Variants in CDC42BPB observed in about 807,000 individuals in gnomAD.
CDC42BPB encodes the protein CDC42 binding protein kinase beta.
A neutral mutation model predicts 214.9 loss-of-function variants in CDC42BPB; 37 were observed. The observed-to-expected ratio is 0.17, with a 90% CI of 0.13 to 0.23. The LOEUF (loss-of-function observed/expected upper bound fraction) is 0.23. CDC42BPB is among the 10% of genes least tolerant of loss of function. The pLI is 1.00. For synonymous variants in CDC42BPB, 931 were observed against 884.0 expected, an observed-to-expected ratio of 1.05 and a Z score of -0.94; for missense variants, 1,694 against 2,227.0, an observed-to-expected ratio of 0.76 and a Z score of 4.82.
intron 2 of CDC42BPB, among the ~76,000 whole-genome samples, chr14:103,011,375 CCT>C (rs1253774751): frequency 2.0e-5 from 3 of 152,178 alleles, no homozygotes; most frequent in Admixed American, 2.0e-4. Context: ...GCTATTCGAC[CCT>C]CTCTGTGTTT....
intron 1 of CDC42BPB, among the ~76,000 whole-genome samples, chr14:103,051,154 C>CGGGGGGGGGGGGGGGGGGGGG (rs1179516926): frequency 7.3e-4 from 5 of 6,826 alleles, no homozygotes; most frequent in African/African-American, 1.9e-3. Flanking sequence ...GTATTTGGGG[C>CGGGGGGGGGGGGGGGGGGGGG]GGGGGGGCGG....
In CDC42BPB at chr14:102,986,677, A is replaced by G. The variant is rs1232309863; in HGVS notation, c.597-97T>C. On this transcript the variant is annotated intron_variant, in intron 5 of 36. Transcript: ENST00000361246. Reference sequence around the variant, plus strand: ...GTGGTGATCAGATGAATAAATGCTAATATCCTCTTGTGAACAGCTGTCACC... The same window carrying G: ...GTGGTGATCAGATGAATAAATGCTAGTATCCTCTTGTGAACAGCTGTCACC... 39 of 1,501,614 alleles carry G rather than the reference A, an allele frequency of 2.6e-5. No individual in the cohort carries two copies. In the East Asian group the frequency reaches 5.3e-4, roughly 20 times the overall value. The allele number at this position is 1,501,614 out of a possible 1,614,324, so 93.0% of individuals were successfully genotyped here.
chr14:102,964,259 C>G (rs35128285), intron 19 of CDC42BPB, among the ~76,000 whole-genome samples: 2 of 152,202 alleles, frequency 1.3e-5, no homozygotes, highest in Admixed American at 1.3e-4. Context: ...AAACACGGCT[C>G]GCACCGCACC....
In CDC42BPB at chr14:103,009,485, G is replaced by A. The variant is rs192801950; in HGVS notation, c.268-930C>T. The stretch of plus-strand genomic sequence containing the variant: ...GGAGGGAATCCAAGAAGCAAAGGCC[G>A]CATGGAAAGGACAGGCTCCCTTCAA... On this transcript the variant is annotated intron_variant, in intron 2 of 36. Transcript: ENST00000361246. 6.2e-4 allele frequency among the ~76,000 whole-genome samples: 94 copies of A among 152,312 alleles called. 1 individual carries two copies. The highest frequency in any genetic ancestry group is 1.9e-3 in the African/African-American group (78 of 41,562).
chr14:102,989,383 C>T (rs983678062), intron 5 of CDC42BPB, among the ~76,000 whole-genome samples: 1 of 152,190 alleles, frequency 6.6e-6, no homozygotes, highest in African/African-American at 2.4e-5. Context: ...CTCTCTTGAT[C>T]CAGCAACCCC....
Position 102,975,960 on chromosome 14 carries a change from C to T in CDC42BPB, c.1310G>A (p.Ser437Asn), listed in dbSNP as rs1227731562. Residue 437 changes from serine to asparagine, a missense_variant, in exon 10 of 37, where the codon AGC becomes AAC. Ser to Asn is a conservative substitution (Grantham distance 46). This residue lies in a region of CDC42BPB where 462 missense variants were observed against 513.5 expected (regional missense o/e 0.90). Coordinates refer to ENST00000361246, the MANE Select transcript of CDC42BPB (RefSeq NM_006035.4). ...CCTCTCGTAAGCTTCCATCTGCAGG[C>T]TGTGCTCCAGGTCCCGCTGCACATC... ...DEDVQRDLEH[S>N]LQMEAYERRI... 1 of 1,614,220 alleles carries T rather than the reference C, an allele frequency of 6.2e-7. No individual in the cohort carries two copies. The highest frequency in any genetic ancestry group is 1.7e-5 in the Admixed American group (1 of 60,036).
rs2139474990 is a variant in CDC42BPB, at chr14:102,972,044, G to A, written c.1759C>T (p.Leu587Phe). 1 of 1,614,276 alleles carries A rather than the reference G, an allele frequency of 6.2e-7. No individual in the cohort carries two copies. The highest frequency in any genetic ancestry group is 2.2e-5 in the East Asian group (1 of 44,894). ...GACACCTTCTGCTTCTGGGCACGGA[G>A]CTCTGCCATGCGCTCGTTCAGCTCC... is the stretch of plus-strand genomic sequence containing the variant. Reference protein sequence around the residue: ...FSELNERMAELRAQKQKVSRQ... With the variant: ...FSELNERMAEFRAQKQKVSRQ... The change falls in exon 13 of 37, where the codon CTC becomes TTC. Residue 587 changes from leucine to phenylalanine, a missense_variant. Coordinates refer to ENST00000361246, the MANE Select transcript of CDC42BPB (RefSeq NM_006035.4).
At chr14:103,029,918 C>T (rs994278665) in intron 1 of CDC42BPB, among the ~76,000 whole-genome samples, 13 of 150,350 alleles carry the variant, frequency 8.6e-5, no homozygotes, top group Non-Finnish European at 1.5e-4. Context: ...TGGCCAGACA[C>T]GCATGTGAGC....
Position 102,968,606 on chromosome 14 carries a change from G to C in CDC42BPB, c.2106C>G (p.Val702=). 6.2e-7 allele frequency: 1 copy of C among 1,614,174 alleles called. No individual in the cohort carries two copies. Among genetic ancestry groups the C allele is most frequent in the Non-Finnish European group, 8.5e-7 (1 of 1,180,032 alleles). Residue 702 remains valine, a synonymous_variant, in exon 15 of 37, where the codon GTC becomes GTG. Transcript: ENST00000361246. ...CTAGCACATGGGAGGCCTCACGTCT[G>C]ACCAATTCCTCTTCATAAAATAAGA... The part of the protein sequence containing the change: ...KKVLFYEEEL[V]RREASHVLEV...
Position 102,975,781 on chromosome 14 carries a change from G to A in CDC42BPB, c.1410C>T (p.Ser470=), listed in dbSNP as rs1386657673. Residue 470 remains serine, a synonymous_variant, in exon 11 of 37, where the codon TCC becomes TCT. Transcript: ENST00000361246. ...TGAGGGCCCGAGATGAGCCGTGGAGGGACTGCACGGTCTGGGTGGACTCTG... is the reference window on the plus strand; with the variant it reads ...TGAGGGCCCGAGATGAGCCGTGGAGAGACTGCACGGTCTGGGTGGACTCTG... ...KLQESTQTVQ[S]LHGSSRALSN... 7 of 1,614,012 alleles carry A rather than the reference G, an allele frequency of 4.3e-6. No homozygotes were observed. In the African/African-American group the frequency reaches 5.3e-5, roughly 12 times the overall value.
chr14:103,023,176 T>TC (rs1327124808), intron 1 of CDC42BPB, among the ~76,000 whole-genome samples: 2 of 150,036 alleles, frequency 1.3e-5, no homozygotes, highest in Non-Finnish European at 3.0e-5. Flanking sequence ...TAATTTTTTT[T>TC]TTTTTTTTTG....
At chr14:102,992,815 T>C (rs1416887867) in intron 5 of CDC42BPB, among the ~76,000 whole-genome samples, 1 of 148,308 alleles carries the variant, frequency 6.7e-6, no homozygotes, top group Non-Finnish European at 1.5e-5. Context: ...ATTAAAAATA[T>C]ATATTTTATT....
At chr14:102,974,416 T>C in intron 11 of CDC42BPB, 1 of 961,348 alleles carries the variant, frequency 1.0e-6, no homozygotes. Flanking sequence ...CTGGGAGCCC[T>C]TGGGTGGCGC....
intron 5 of CDC42BPB, among the ~76,000 whole-genome samples, chr14:102,990,368 C>T (rs185637201): frequency 3.9e-4 from 60 of 152,298 alleles, no homozygotes; most frequent in African/African-American, 1.3e-3. Flanking sequence ...GGAATGCCTG[C>T]GGGCAGGTTT....
chr14:102,991,220 C>T (rs552850352), intron 5 of CDC42BPB, among the ~76,000 whole-genome samples: 12 of 152,182 alleles, frequency 7.9e-5, no homozygotes, highest in African/African-American at 2.9e-4. Context: ...GGAAATGACA[C>T]CCTGAGAAGG....
intron 4 of CDC42BPB, among the ~76,000 whole-genome samples, chr14:103,002,770 G>A (rs1033747148): frequency 6.6e-6 from 1 of 152,152 alleles, no homozygotes; most frequent in African/African-American, 2.4e-5. Context: ...TGAAACAGTG[G>A]AATCACTGGG....
rs1892087825 is a variant in CDC42BPB at position 102,944,983 on chromosome 14, C to T, written c.3812-496G>A. On this transcript the variant is annotated intron_variant, in intron 29 of 36. Transcript: ENST00000361246. This position sits in a 1 kb window ranked among gnomAD's most constrained non-coding sequence, Gnocchi z 6.6. ...GGGCCCCCAGTGAAGACACTGCCCT[C>T]ACACTCACACGGCCCCCAGTGAAGA... 6.6e-6 allele frequency among the ~76,000 whole-genome samples: 1 copy of T among 152,004 alleles called. No individual in the cohort carries two copies. The highest frequency in any genetic ancestry group is 1.5e-5 in the Non-Finnish European group (1 of 67,970).
chr14:103,037,867 A>C (rs190951398), intron 1 of CDC42BPB, among the ~76,000 whole-genome samples: 3 of 151,618 alleles, frequency 2.0e-5, no homozygotes, highest in African/African-American at 7.3e-5. Flanking sequence ...GTCTCTACTA[A>C]AAATGCAAAA....
At chr14:102,971,468 G>T (rs2139472441) in intron 13 of CDC42BPB, among the ~76,000 whole-genome samples, 1 of 152,348 alleles carries the variant, frequency 6.6e-6, no homozygotes, top group East Asian at 1.9e-4. Flanking sequence ...GCGGCGGCCT[G>T]AAGTGTGCTG....
Sources: gnomAD v4.1 joint callset for allele counts (sites outside exome capture counted in the v4.1 genomes callset) on GRCh38, gnomAD v4.1.1 for gene constraint, gnomAD v4.1.1 regional missense constraint, Gnocchi (gnomAD v3.1) non-coding constraint, MANE v1.5 for transcripts, NCBI Gene and HGNC (gene_info 2026-07-23, HGNC 2026-07-21) for gene names.